The following ADAMTS19 variants were observed in gnomAD, a reference collection of about 807,000 sequenced individuals.
ADAMTS19 encodes the protein A disintegrin and metalloproteinase with thrombospondin motifs 19.
ADAMTS19 carries 93 observed loss-of-function variants against 153.3 expected under a neutral mutation model. That is an observed-to-expected ratio of 0.61 (90% CI 0.51 to 0.72). The LOEUF (loss-of-function observed/expected upper bound fraction) is 0.72. Among genes scored for constraint, ADAMTS19 ranks in the 30% least tolerant of loss-of-function variants. The pLI is 0.00. For synonymous variants in ADAMTS19, 600 were observed against 556.6 expected (o/e 1.08, Z -1.10); for missense variants, 1,482 against 1,552.1 (o/e 0.95, Z 0.76).
At chr5:129,696,199 C>T (rs1351620376) in intron 19 of ADAMTS19, among the ~76,000 whole-genome samples, 1 of 152,104 alleles carries the variant, frequency 6.6e-6, no homozygotes, top group South Asian at 2.1e-4. Context: ...TTTGGGATCA[C>T]CTGAGATCGG....
rs139791846 is a variant in ADAMTS19, at chr5:129,684,173, A to C, written c.2718A>C (p.Pro906=). ...NYGLHYEYTI[P]SDPLPENQSS... is the part of the protein sequence containing the mutation. ...GTCTTCACTATGAATACACTATCCC[A>C]TCAGACCCTCTTCCAGAAAACCAGA... Residue 906 remains proline (P), a synonymous_variant, in exon 18 of 23, where the codon CCA becomes CCC. Coordinates refer to ENST00000274487, the MANE Select transcript of ADAMTS19 (RefSeq NM_133638.6). 27 of 1,614,018 alleles carry C rather than the reference A, an allele frequency of 1.7e-5. No homozygotes were observed. In the African/African-American group the frequency reaches 3.1e-4, roughly 18 times the overall value.
At chr5:129,732,844 C>G (rs1404988815) in intron 21 of ADAMTS19, among the ~76,000 whole-genome samples, 1 of 151,974 alleles carries the variant, frequency 6.6e-6, no homozygotes, top group East Asian at 1.9e-4. Flanking sequence ...TCCAAAATAG[C>G]CTGAATAGCT....
chr5:129,713,805 C>G (rs1183101981), intron 21 of ADAMTS19, among the ~76,000 whole-genome samples: 1 of 139,252 alleles, frequency 7.2e-6, no homozygotes, highest in Admixed American at 7.3e-5. Flanking sequence ...CAAACAGAGC[C>G]ATGGGCCCTG....
At position 129,492,668 on chromosome 5, in the gene ADAMTS19, G is replaced by T. The variant is rs551887986; in HGVS notation, c.748-16409G>T. ...TACCTATAATCACTATTTGAATTTT[G>T]CTATACTGCTTTAAATACCAGTCTG... On this transcript the variant is annotated intron_variant, in intron 2 of 22. Transcript: ENST00000274487. Among the ~76,000 whole-genome samples, 7 of 151,880 alleles carry T rather than the reference G, an allele frequency of 4.6e-5. No homozygotes were observed. The South Asian group carries it at 8.3e-4, about 18-fold the overall frequency.
intron 7 of ADAMTS19, among the ~76,000 whole-genome samples, chr5:129,580,698 T>C (rs2126884822): frequency 6.6e-6 from 1 of 152,304 alleles, no homozygotes; most frequent in Middle Eastern, 3.4e-3. Context: ...AATTGTGTCA[T>C]TTTTGTCATT....
intron 6 of ADAMTS19, among the ~76,000 whole-genome samples, chr5:129,528,883 G>A (rs960622196): frequency 9.2e-5 from 14 of 151,920 alleles, no homozygotes; most frequent in African/African-American, 3.4e-4. Flanking sequence ...CAAAAAATTT[G>A]GTTAGTTAAT....
At chr5:129,723,358 A>G (rs1378815744) in intron 21 of ADAMTS19, among the ~76,000 whole-genome samples, 1 of 152,168 alleles carries the variant, frequency 6.6e-6, no homozygotes, top group Non-Finnish European at 1.5e-5. Flanking sequence ...GGCAGGTAAT[A>G]ATGTAGGAAA....
At position 129,571,903 on chromosome 5, in the gene ADAMTS19, G is replaced by C. The variant is rs142931478; in HGVS notation, c.1372+19996G>C. Among the ~76,000 whole-genome samples the C allele has an allele frequency of 7.3e-3, 1,104 of 151,732 alleles. 13 individuals are homozygous for C. Among genetic ancestry groups the C allele is most frequent in the African/African-American group, 0.025 (1,048 of 41,472 alleles). Reference sequence around the variant, plus strand: ...TACAAAGGTAAAAAGGCTATCCAATGAAAAAAGTTTTATCTCTTCAAAAAA... The same window carrying C: ...TACAAAGGTAAAAAGGCTATCCAATCAAAAAAGTTTTATCTCTTCAAAAAA... On this transcript the variant is annotated intron_variant, in intron 7 of 22. Coordinates refer to ENST00000274487, the MANE Select transcript of ADAMTS19 (RefSeq NM_133638.6).
intron 6 of ADAMTS19, among the ~76,000 whole-genome samples, chr5:129,540,106 T>C (rs1237424360): frequency 6.6e-6 from 1 of 152,132 alleles, no homozygotes; most frequent in African/African-American, 2.4e-5. Context: ...CTCCCTGGAT[T>C]GCATGTTCTT....
chr5:129,658,493 T>C, intron 14 of ADAMTS19, 124 bp from the exon 15 acceptor site: 3 of 941,004 alleles, frequency 3.2e-6, no homozygotes, highest in Non-Finnish European at 4.6e-6. Context: ...TTTTATAATA[T>C]GACATTTCAT....
intron 2 of ADAMTS19, among the ~76,000 whole-genome samples, chr5:129,499,582 T>G (rs193287268): frequency 1.6e-4 from 25 of 152,114 alleles, no homozygotes; most frequent in Admixed American, 2.6e-4. Flanking sequence ...CAGCCATATA[T>G]TTTTCATTTG....
Position 129,461,146 on chromosome 5 carries a change from C to G in ADAMTS19, c.136C>G (p.Pro46Ala). The change falls in exon 2 of 23, where the codon CCT (proline) becomes GCT (alanine). Residue 46 changes from proline (P) to alanine (A), a missense_variant. Coordinates refer to ENST00000274487, the MANE Select transcript of ADAMTS19 (RefSeq NM_133638.6). The surrounding 1 kb of genome is among the most constrained non-coding windows in gnomAD (Gnocchi z 4.6). The stretch of plus-strand genomic sequence containing the variant: ...CCGCGAGGAGTGGGAAGTCGTGTTT[C>G]CTGCGCTCTGGCGCCGGGAGCCGGT... ...PDREEWEVVF[P>A]ALWRREPVDP... is the part of the protein sequence containing the mutation. The G allele has an allele frequency of 7.1e-7, 1 of 1,414,424 alleles. No individual in the cohort carries two copies. The highest frequency in any genetic ancestry group is 9.3e-7 in the Non-Finnish European group (1 of 1,080,316). The allele number at this position is 1,414,424 out of a possible 1,614,324, so 87.6% of individuals were successfully genotyped here. A position where few individuals can be genotyped will look rare whatever the true frequency, so the allele number is the denominator to read the frequency against.
chr5:129,647,741 C>A, intron 11 of ADAMTS19, 24 bp from the exon 12 acceptor site: 1 of 1,611,176 alleles, frequency 6.2e-7, no homozygotes. Flanking sequence ...GATTTGTTCA[C>A]CTAAGACATA....
rs77142996 is a variant in ADAMTS19 at position 129,670,510 on chromosome 5, T to A, written c.2506+4931T>A. On this transcript the variant is annotated intron_variant, in intron 16 of 22. Transcript: ENST00000274487. ...TAAGTTTCTTGCCCAAGGTTACACA[T>A]CTAAGAAGCTGTGAATCTAGATTTG... 6.6e-5 allele frequency among the ~76,000 whole-genome samples: 10 copies of A among 152,266 alleles called. No homozygotes were observed. The East Asian group carries it at 1.9e-3, about 29-fold the overall frequency.
rs935944681 is a variant in ADAMTS19, at chr5:129,461,125, G to A, written c.115G>A (p.Glu39Lys). 5 of 1,421,200 alleles carry A rather than the reference G, an allele frequency of 3.5e-6. No homozygotes were observed. The highest frequency in any genetic ancestry group is 3.7e-6 in the Non-Finnish European group (4 of 1,085,710). The allele number at this position is 1,421,200 out of a possible 1,614,324, so 88.0% of individuals were successfully genotyped here. ...AGAGCTGCAGTTCGCCCCCGACCGCGAGGAGTGGGAAGTCGTGTTTCCTGC... is the reference window on the plus strand; with the variant it reads ...AGAGCTGCAGTTCGCCCCCGACCGCAAGGAGTGGGAAGTCGTGTTTCCTGC... ...VSELQFAPDR[E>K]EWEVVFPALW... The change falls in exon 2 of 23, where the codon GAG (glutamate) becomes AAG (lysine). Residue 39 changes from glutamate (E) to lysine (K), a missense_variant. Physicochemically the swap from Glu to Lys is moderately conservative, Grantham distance 56. Coordinates refer to ENST00000274487, the MANE Select transcript of ADAMTS19 (RefSeq NM_133638.6). The surrounding 1 kb of genome is among the most constrained non-coding windows in gnomAD (Gnocchi z 4.6).
At chr5:129,556,993 A>G (rs1211154564) in intron 7 of ADAMTS19, among the ~76,000 whole-genome samples, 1 of 152,194 alleles carries the variant, frequency 6.6e-6, no homozygotes, top group Non-Finnish European at 1.5e-5. Flanking sequence ...GGAAAACCAG[A>G]ACACTTTCTA....
intron 21 of ADAMTS19, among the ~76,000 whole-genome samples, chr5:129,705,061 C>A (rs1287632723): frequency 6.6e-6 from 1 of 152,082 alleles, no homozygotes; most frequent in Admixed American, 6.6e-5. Context: ...AAATTCTGAT[C>A]ATTTTGGGGT....
chr5:129,648,290 C>T (rs1753157186), intron 12 of ADAMTS19, among the ~76,000 whole-genome samples: 1 of 152,154 alleles, frequency 6.6e-6, no homozygotes. Context: ...ACATGCTAAG[C>T]ACAGGTACAG....
At chr5:129,693,312 G>A (rs1214535198) in intron 18 of ADAMTS19, among the ~76,000 whole-genome samples, 1 of 151,990 alleles carries the variant, frequency 6.6e-6, no homozygotes, top group Non-Finnish European at 1.5e-5. Flanking sequence ...CCTCATTCTT[G>A]ATGCCAGCTG....
Sources: allele counts gnomAD v4.1 joint callset (sites outside exome capture counted in the v4.1 genomes callset), GRCh38; gene constraint gnomAD v4.1.1; non-coding constraint Gnocchi (gnomAD v3.1); transcripts MANE v1.5; gene names NCBI Gene and HGNC (gene_info 2026-07-23, HGNC 2026-07-21).